GLIS3: variants seen among roughly 807,000 people sequenced by gnomAD.
The protein encoded by GLIS3 is GLIS family zinc finger 3, also known as zinc finger protein GLIS3.
GLIS3 carries 53 observed loss-of-function variants against 78.6 expected under a neutral mutation model. That is an observed-to-expected ratio of 0.67 (90% confidence interval 0.54 to 0.85). GLIS3 has a LOEUF of 0.85. Ranked by LOEUF, GLIS3 falls within the 40% of genes least tolerant of loss-of-function variation. GLIS3 has a pLI of 0.00. For synonymous variants in GLIS3, 684 were observed against 509.9 expected (o/e 1.34, Z -4.60); for missense variants, 1,703 against 1,231.1 (o/e 1.38, Z -5.74).
chr9:4,288,270 T>A (rs1334697243), intron 1 of GLIS3, among the ~76,000 whole-genome samples: 1 of 152,164 alleles, frequency 6.6e-6, no homozygotes, highest in Non-Finnish European at 1.5e-5. Context: ...TAAAATAGTG[T>A]TTTCTGAGCA....
At chr9:3,900,186 TAAAAA>T (rs112638097) in intron 6 of GLIS3, among the ~76,000 whole-genome samples, 1 of 128,862 alleles carries the variant, frequency 7.8e-6, no homozygotes, top group Non-Finnish European at 1.7e-5. Flanking sequence ...CAGAAACTGT[TAAAAA>T]AAAAAAAAAA....
chr9:4,223,169 G>C (rs1048342731), intron 2 of GLIS3, among the ~76,000 whole-genome samples: 3 of 152,134 alleles, frequency 2.0e-5, no homozygotes, highest in Non-Finnish European at 4.4e-5. Context: ...AAAATGAAAT[G>C]ACAGCTGGAA....
intron 2 of GLIS3, among the ~76,000 whole-genome samples, chr9:4,339,926 A>C (rs1380272151): frequency 7.0e-6 from 1 of 142,564 alleles, no homozygotes; most frequent in East Asian, 2.1e-4. Context: ...AGGTAAAGCA[A>C]GTTTTTGGTG....
At chr9:3,862,333 C>T (rs756108767) in intron 8 of GLIS3, among the ~76,000 whole-genome samples, 8 of 152,162 alleles carry the variant, frequency 5.3e-5, no homozygotes, top group Non-Finnish European at 1.0e-4. Flanking sequence ...CAGCAACATA[C>T]TACCTTTAAG....
the GLIS3 span, among the ~76,000 whole-genome samples, chr9:4,435,204 T>A: frequency 9.2e-5 from 14 of 152,210 alleles, no homozygotes; most frequent in Admixed American, 9.2e-4. Context: ...GGAAGACACT[T>A]TCTTTGCTTG....
chr9:4,234,364 A>T (rs1271065037), intron 2 of GLIS3, among the ~76,000 whole-genome samples: 1 of 152,196 alleles, frequency 6.6e-6, no homozygotes, highest in Non-Finnish European at 1.5e-5. Flanking sequence ...TAATTGGCTT[A>T]ATTTCAATAC....
chr9:3,856,959 C>T (rs1296860695), intron 8 of GLIS3, among the ~76,000 whole-genome samples: 1 of 152,146 alleles, frequency 6.6e-6, no homozygotes, highest in Non-Finnish European at 1.5e-5. Flanking sequence ...ATTGATCTTC[C>T]AATTGTGAAG....
intron 1 of GLIS3, among the ~76,000 whole-genome samples, chr9:4,294,295 G>C (rs1305541795): frequency 6.6e-6 from 1 of 152,146 alleles, no homozygotes; most frequent in African/African-American, 2.4e-5. Context: ...GATCACCTGA[G>C]GTCAGGAGTT....
At chr9:4,278,061 A>T (rs1827191035) in intron 2 of GLIS3, among the ~76,000 whole-genome samples, 1 of 152,260 alleles carries the variant, frequency 6.6e-6, no homozygotes, top group African/African-American at 2.4e-5. Context: ...CTATTATCTT[A>T]GAAACATAAA....
intron 4 of GLIS3, among the ~76,000 whole-genome samples, chr9:3,980,408 A>T (rs953278686): frequency 6.6e-6 from 1 of 152,188 alleles, no homozygotes; most frequent in Admixed American, 6.5e-5. Flanking sequence ...TCCAGAGTCC[A>T]TATCTCTCTC....
chr9:3,908,120 GA>G (rs1359971279), intron 6 of GLIS3, among the ~76,000 whole-genome samples: 2 of 152,170 alleles, frequency 1.3e-5, no homozygotes, highest in Non-Finnish European at 2.9e-5. Flanking sequence ...AATAAGGACT[GA>G]AAGGGGCTTC....
intron 4 of GLIS3, among the ~76,000 whole-genome samples, chr9:3,999,531 T>C (rs562108422): frequency 2.0e-5 from 3 of 152,106 alleles, no homozygotes; most frequent in Admixed American, 6.5e-5. Flanking sequence ...TAATATACCA[T>C]GGGGGGAAAT....
chr9:4,187,010 T>C (rs1817863339), intron 2 of GLIS3, among the ~76,000 whole-genome samples: 1 of 152,226 alleles, frequency 6.6e-6, no homozygotes, highest in African/African-American at 2.4e-5. Context: ...TTAGATCCCA[T>C]TTGTCAATTC....
chr9:3,915,101 G>A (rs949873246), intron 6 of GLIS3, among the ~76,000 whole-genome samples: 4 of 152,154 alleles, frequency 2.6e-5, no homozygotes, highest in African/African-American at 9.7e-5. Context: ...GCCTGGCTTG[G>A]AGAAGTGCCT....
chr9:4,307,815 G>A (rs1817266469), intron 4 of GLIS3, among the ~76,000 whole-genome samples: 1 of 152,104 alleles, frequency 6.6e-6, no homozygotes, highest in African/African-American at 2.4e-5. Flanking sequence ...AAAAGCAATG[G>A]AATAATTCCT....
At chr9:4,156,810 A>G (rs1045451224) in intron 2 of GLIS3, among the ~76,000 whole-genome samples, 11 of 152,094 alleles carry the variant, frequency 7.2e-5, no homozygotes, top group Admixed American at 1.3e-4. Context: ...AGGGTATATG[A>G]TAAGAGTGTC....
chr9:3,882,367 G>A (rs1267730883), intron 7 of GLIS3, among the ~76,000 whole-genome samples: 1 of 152,162 alleles, frequency 6.6e-6, no homozygotes, highest in Non-Finnish European at 1.5e-5. Flanking sequence ...GTACCAGAGT[G>A]GCTAAATGTT....
rs372517404 is a variant in GLIS3 at position 3,984,026 on chromosome 9, C to A, written c.1711-46837G>T. On this transcript the variant is annotated intron_variant, in intron 4 of 10. Transcript: ENST00000381971. The stretch of plus-strand genomic sequence containing the variant: ...ATGGCAGCTTCTCCTATCACAGGCC[C>A]CGAGGCCTAGGAGGAAAAACTGGTT... Among the ~76,000 whole-genome samples, 30 of 152,360 alleles carry A rather than the reference C, an allele frequency of 2.0e-4. 1 individual carries two copies. The South Asian group carries it at 6.2e-3, about 32-fold the overall frequency.
At chr9:4,165,298 G>A (rs142139408) in intron 2 of GLIS3, among the ~76,000 whole-genome samples, 6 of 152,172 alleles carry the variant, frequency 3.9e-5, no homozygotes, top group East Asian at 1.9e-4. Context: ...AAAATTAGCC[G>A]GGCGTGGTGG....
Sources: allele counts gnomAD v4.1 joint callset (sites outside exome capture counted in the v4.1 genomes callset), GRCh38; gene constraint gnomAD v4.1.1; transcripts MANE v1.5; gene names NCBI Gene and HGNC (gene_info 2026-07-23, HGNC 2026-07-21).